The following SHISA6 variants were observed in gnomAD, a reference collection of about 807,000 sequenced individuals.
SHISA6 encodes shisa family member 6, also known as protein shisa-6.
Under a neutral mutation model 47.9 loss-of-function variants are expected in SHISA6, and 22 were observed. That is an observed-to-expected ratio of 0.46 (90% CI 0.33 to 0.66). The LOEUF (loss-of-function observed/expected upper bound fraction) is 0.66. SHISA6 is among the 30% of genes least tolerant of loss of function. The pLI, the probability that SHISA6 is intolerant of heterozygous loss-of-function variation, is 0.02. For missense variants in SHISA6, 680 were observed against 764.6 expected (o/e 0.89, Z 1.30); for synonymous variants, 388 against 337.8 (o/e 1.15, Z -1.63).
At chr17:11,465,958 C>T (rs560677317) in intron 3 of SHISA6, among the ~76,000 whole-genome samples, 1 of 152,132 alleles carries the variant, frequency 6.6e-6, no homozygotes, top group Non-Finnish European at 1.5e-5. Flanking sequence ...TTCCCTCTAC[C>T]ACCATCCCAA....
rs2071629894 is a variant in SHISA6, at chr17:11,521,589, G to A, written c.896-30307G>A. ...GCTTGAGATCAGGAGTTCGAGACCA[G>A]CCTGGACAACATAGTGAGACCCCAG... On this transcript the variant is annotated intron_variant, in intron 3 of 5. Transcript: ENST00000441885. 2.0e-5 allele frequency among the ~76,000 whole-genome samples: 3 copies of A among 152,030 alleles called. No homozygotes were observed. In the South Asian group the frequency reaches 6.2e-4, roughly 32 times the overall value.
At chr17:11,312,890 C>A (rs1052903353) in intron 2 of SHISA6, among the ~76,000 whole-genome samples, 1 of 152,080 alleles carries the variant, frequency 6.6e-6, no homozygotes. Flanking sequence ...AATGCTAGAT[C>A]AAAATTACTC....
chr17:11,278,885 G>A (rs1909023849), intron 2 of SHISA6, among the ~76,000 whole-genome samples: 1 of 152,196 alleles, frequency 6.6e-6, no homozygotes, highest in African/African-American at 2.4e-5. Context: ...CTGAGGAGGC[G>A]GGGCAGGGCA....
chr17:11,497,917 C>T (rs1178146618), intron 3 of SHISA6, among the ~76,000 whole-genome samples: 1 of 152,206 alleles, frequency 6.6e-6, no homozygotes, highest in African/African-American at 2.4e-5. Context: ...CATGGCTATA[C>T]CTACTCCTGG....
At position 11,321,174 on chromosome 17, in the gene SHISA6, C is replaced by T. The variant is rs151337353; in HGVS notation, c.799+57648C>T. 7.2e-5 allele frequency among the ~76,000 whole-genome samples: 11 copies of T among 152,252 alleles called. No homozygotes were observed. In the East Asian group the frequency reaches 1.5e-3, roughly 21 times the overall value. Reference sequence around the variant, plus strand: ...AGTCACAAGTTATCTACTATAGTGCCATGCATCACTTTTATAGTTGAGGTA... The same window carrying T: ...AGTCACAAGTTATCTACTATAGTGCTATGCATCACTTTTATAGTTGAGGTA... On this transcript the variant is annotated intron_variant, in intron 2 of 5. Coordinates refer to ENST00000441885, the MANE Select transcript of SHISA6 (RefSeq NM_207386.4).
chr17:11,261,677 G>A (rs935807899), intron 1 of SHISA6, among the ~76,000 whole-genome samples: 11 of 152,194 alleles, frequency 7.2e-5, no homozygotes, highest in African/African-American at 2.7e-4. Flanking sequence ...TCCATTGTGT[G>A]AATAGACCAC....
At chr17:11,350,174 A>ATTTTTTTT (rs1310542458) in intron 2 of SHISA6, among the ~76,000 whole-genome samples, 4 of 100,426 alleles carry the variant, frequency 4.0e-5, no homozygotes, top group Admixed American at 1.3e-4. Flanking sequence ...TTATTTATTT[A>ATTTTTTTT]TTTATTTATT....
chr17:11,415,362 T>C (rs1914252381), intron 3 of SHISA6, among the ~76,000 whole-genome samples: 1 of 152,178 alleles, frequency 6.6e-6, no homozygotes, highest in African/African-American at 2.4e-5. Context: ...CTTCTGACCA[T>C]TAGAACACAC....
intron 2 of SHISA6, among the ~76,000 whole-genome samples, chr17:11,361,375 A>C (rs552211485): frequency 6.6e-6 from 1 of 152,342 alleles, no homozygotes; most frequent in Non-Finnish European, 1.5e-5. Context: ...AATTACATTT[A>C]ATAATTTAGA....
At chr17:11,242,952 C>T (rs1358740015) in intron 1 of SHISA6, among the ~76,000 whole-genome samples, 1 of 152,128 alleles carries the variant, frequency 6.6e-6, no homozygotes, top group Non-Finnish European at 1.5e-5. Context: ...ATGACACACC[C>T]AGAGGATGCA....
intron 2 of SHISA6, among the ~76,000 whole-genome samples, chr17:11,355,184 AATGGGCT>A (rs1176555551): frequency 6.6e-6 from 1 of 152,218 alleles, no homozygotes; most frequent in Non-Finnish European, 1.5e-5. Flanking sequence ...GGACAGAGCC[AATGGGCT>A]ATTTGCAGGT....
At chr17:11,419,791 C>T (rs1206678174) in intron 3 of SHISA6, among the ~76,000 whole-genome samples, 3 of 152,214 alleles carry the variant, frequency 2.0e-5, no homozygotes, top group Non-Finnish European at 4.4e-5. Flanking sequence ...ATTTCCACCA[C>T]CTTTTCCCTG....
intron 3 of SHISA6, among the ~76,000 whole-genome samples, chr17:11,481,501 T>G (rs1916220184): frequency 6.6e-6 from 1 of 151,390 alleles, no homozygotes; most frequent in Non-Finnish European, 1.5e-5. Context: ...AAGTTTGTTT[T>G]TTTTTTTTGG....
intron 2 of SHISA6, among the ~76,000 whole-genome samples, chr17:11,303,721 G>A (rs11658495): frequency 0.087 from 13,308 of 152,224 alleles, 639 homozygotes; most frequent in East Asian, 0.15. Context: ...TTGGCCATGC[G>A]TGTCACTCAA....
intron 3 of SHISA6, among the ~76,000 whole-genome samples, chr17:11,503,372 G>A (rs1225239744): frequency 4.6e-5 from 7 of 151,856 alleles, no homozygotes; most frequent in Non-Finnish European, 1.0e-4. Context: ...TGCAATCTCT[G>A]GATATTTCCA....
intron 1 of SHISA6, among the ~76,000 whole-genome samples, chr17:11,263,085 G>A (rs920309489): frequency 1.3e-5 from 2 of 152,174 alleles, no homozygotes; most frequent in African/African-American, 2.4e-5. Context: ...TATTTGGGGA[G>A]CCAGTATTTT....
chr17:11,530,763 C>T (rs2071725414), intron 3 of SHISA6, among the ~76,000 whole-genome samples: 1 of 152,180 alleles, frequency 6.6e-6, no homozygotes, highest in Admixed American at 6.5e-5. Flanking sequence ...TTTCCATACT[C>T]ATGAGGAAAA....
Position 11,557,737 on chromosome 17 carries a change from CTG to C in SHISA6, c.1106-15_1106-14del, listed in dbSNP as rs552353776. 5.3e-4 allele frequency: 813 copies of C among 1,520,178 alleles called. 14 individuals carry two copies. In the South Asian group the frequency reaches 8.2e-3, roughly 15 times the overall value. 94.2% of individuals were successfully genotyped at this position (1,520,178 alleles called of 1,614,324 possible). A position where few individuals can be genotyped will look rare whatever the true frequency, so the allele number is the denominator to read the frequency against. On this transcript the variant is annotated splice_polypyrimidine_tract_variant and intron_variant, in intron 5 of 5. Coordinates refer to ENST00000441885, the MANE Select transcript of SHISA6 (RefSeq NM_207386.4). Reference sequence around the variant, plus strand: ...GTCACCCCAGTTGCCTTCTCTCACTCTGTCTCTCCCCTGCAGCCGACAAGGAG... The same window carrying C: ...GTCACCCCAGTTGCCTTCTCTCACTCTCTCTCCCCTGCAGCCGACAAGGAG...
chr17:11,486,197 G>T (rs751783948), intron 3 of SHISA6, among the ~76,000 whole-genome samples: 5 of 152,174 alleles, frequency 3.3e-5, no homozygotes, highest in Admixed American at 6.5e-5. Flanking sequence ...CTTCCACGTG[G>T]CGCTGTGTGC....
Sources: allele counts gnomAD v4.1 joint callset (sites outside exome capture counted in the v4.1 genomes callset), GRCh38; gene constraint gnomAD v4.1.1; transcripts MANE v1.5; gene names NCBI Gene and HGNC (gene_info 2026-07-23, HGNC 2026-07-21).